IL7: variants seen among roughly 807,000 people sequenced by gnomAD.
IL7 encodes the protein interleukin-7.
IL7 carries 3 observed loss-of-function variants against 21.6 expected under a neutral mutation model. That is an observed-to-expected ratio of 0.14 (90% confidence interval 0.06 to 0.36). IL7 has a LOEUF of 0.36. IL7 is among the 10% of genes least tolerant of loss of function. The pLI is 1.00. For synonymous variants in IL7, 62 were observed against 68.1 expected, an observed-to-expected ratio of 0.91 and a Z score of 0.44; for missense variants, 175 against 200.2, an observed-to-expected ratio of 0.87 and a Z score of 0.76.
downstream of IL7, among the ~76,000 whole-genome samples, chr8:78,714,221 G>A (rs969162299): frequency 6.6e-6 from 1 of 152,044 alleles, no homozygotes; most frequent in African/African-American, 2.4e-5. Flanking sequence ...GGTCACCTTG[G>A]GTAAGTTACT....
intron 2 of IL7, among the ~76,000 whole-genome samples, chr8:78,768,543 G>A (rs2130781759): frequency 6.6e-6 from 1 of 150,524 alleles, no homozygotes; most frequent in Middle Eastern, 3.4e-3. Flanking sequence ...ATTTTTTCAT[G>A]TGTTTTTTGG....
chr8:78,777,606 C>T (rs1013137077), intron 2 of IL7, among the ~76,000 whole-genome samples: 2 of 151,936 alleles, frequency 1.3e-5, no homozygotes, highest in Non-Finnish European at 2.9e-5. Context: ...TTGAGTTTTC[C>T]ATTGTATTTT....
intron 3 of IL7, among the ~76,000 whole-genome samples, chr8:78,700,319 T>G (rs564905312): frequency 6.6e-6 from 1 of 152,080 alleles, no homozygotes; most frequent in Admixed American, 6.6e-5. Flanking sequence ...GGATTGTTTG[T>G]TTTTTTTCTT....
intron 3 of IL7, among the ~76,000 whole-genome samples, chr8:78,687,636 A>ATATATATATGTAATACAT: frequency 7.7e-6 from 1 of 129,986 alleles, no homozygotes; most frequent in South Asian, 2.3e-4. Flanking sequence ...GTAATACATT[A>ATATATATATGTAATACAT]TATATATATT....
chr8:78,714,877 G>A (rs541231491), downstream of IL7, among the ~76,000 whole-genome samples: 15 of 151,926 alleles, frequency 9.9e-5, no homozygotes, highest in Admixed American at 5.2e-4. Flanking sequence ...ACCATTATCC[G>A]TAAGCATTTA....
chr8:78,697,255 A>G (rs1810451603), intron 3 of IL7: 3 of 595,628 alleles, frequency 5.0e-6, no homozygotes, highest in Non-Finnish European at 8.5e-6. Flanking sequence ...TACATTAATG[A>G]TGTGCAACCA....
chr8:78,703,510 AC>A (rs1202653900), intron 3 of IL7, among the ~76,000 whole-genome samples: 2 of 144,784 alleles, frequency 1.4e-5, no homozygotes, highest in Admixed American at 1.4e-4. Flanking sequence ...GTTAAATTGA[AC>A]CCTTTACCAT....
At chr8:78,804,843 C>A (rs928510779) in intron 1 of IL7, 70 bp downstream of exon 1, 60 of 1,593,946 alleles carry the variant, frequency 3.8e-5, no homozygotes, top group Non-Finnish European at 4.7e-5. Flanking sequence ...AGCAGGGGCC[C>A]CCAGCGCGTC....
chr8:78,706,147 C>T (rs542642932), intron 3 of IL7, among the ~76,000 whole-genome samples: 3 of 152,274 alleles, frequency 2.0e-5, no homozygotes, highest in African/African-American at 7.2e-5. Flanking sequence ...GCAGCCTGTC[C>T]CTTCCCCTGG....
chr8:78,699,254 T>C (rs191283853), intron 3 of IL7, among the ~76,000 whole-genome samples: 2 of 152,252 alleles, frequency 1.3e-5, no homozygotes, highest in Admixed American at 1.3e-4. Flanking sequence ...TAATGAAGTA[T>C]ATAATTAAAC....
At chr8:78,713,377 T>TA (rs1403905665), downstream of IL7, among the ~76,000 whole-genome samples, 1 of 152,096 alleles carries the variant, frequency 6.6e-6, no homozygotes, top group African/African-American at 2.4e-5. Flanking sequence ...AACCTCAAGT[T>TA]ACCGATATGG....
intron 2 of IL7, among the ~76,000 whole-genome samples, chr8:78,769,673 G>C (rs962149595): frequency 1.3e-5 from 2 of 151,948 alleles, no homozygotes; most frequent in Non-Finnish European, 2.9e-5. Context: ...TCACAGAATT[G>C]GAAAAAACTA....
At position 78,675,837 on chromosome 8, in the gene IL7, G is replaced by C. The variant is rs1437169014; in HGVS notation, n.541C>G. 3 of 1,611,014 alleles carry C rather than the reference G, an allele frequency of 1.9e-6. No individual in the cohort carries two copies. The Admixed American group carries it at 5.0e-5, about 27-fold the overall frequency. On this transcript the variant is annotated non_coding_transcript_exon_variant, in exon 5 of 5. Coordinates refer to the IL7 transcript ENST00000523959. ...AGAATTGTTACCTTGCAAGATTTGT[G>C]GAAGAACATTCTTTCCAGTAGCATT... is the stretch of plus-strand genomic sequence containing the variant.
chr8:78,776,762 C>T (rs1302315807), intron 2 of IL7, among the ~76,000 whole-genome samples: 1 of 151,880 alleles, frequency 6.6e-6, no homozygotes, highest in Non-Finnish European at 1.5e-5. Context: ...AAGTATGGGT[C>T]CTAATTTTAT....
intron 2 of IL7, among the ~76,000 whole-genome samples, chr8:78,771,232 A>G (rs1347797754): frequency 2.9e-5 from 4 of 139,276 alleles, no homozygotes; most frequent in African/African-American, 9.9e-5. Context: ...TCCATTATTT[A>G]GCAGTAATTT....
At chr8:78,681,021 A>G (rs1809760106) in intron 4 of IL7, among the ~76,000 whole-genome samples, 1 of 152,084 alleles carries the variant, frequency 6.6e-6, no homozygotes, top group African/African-American at 2.4e-5. Flanking sequence ...CTTAGAAAAC[A>G]TTAGTGAAAA....
chr8:78,695,803 A>G (rs531580340), intron 3 of IL7, among the ~76,000 whole-genome samples: 7 of 152,186 alleles, frequency 4.6e-5, no homozygotes, highest in South Asian at 4.2e-4. Context: ...TTGGTTTTCT[A>G]TTTTTCAGGT....
chr8:78,751,163 A>G (rs1204225115), intron 2 of IL7, among the ~76,000 whole-genome samples: 2 of 151,986 alleles, frequency 1.3e-5, no homozygotes, highest in Non-Finnish European at 2.9e-5. Flanking sequence ...GGAGTAGCAT[A>G]CATGTAATGG....
chr8:78,698,142 C>G (rs893850752), intron 3 of IL7, among the ~76,000 whole-genome samples: 1 of 152,066 alleles, frequency 6.6e-6, no homozygotes, highest in Admixed American at 6.6e-5. Flanking sequence ...GGCAATTGTT[C>G]GTAGTAGTCA....
Sources: gnomAD v4.1 joint callset for allele counts (sites outside exome capture counted in the v4.1 genomes callset) on GRCh38, gnomAD v4.1.1 for gene constraint, MANE v1.5 for transcripts, NCBI Gene and HGNC (gene_info 2026-07-23, HGNC 2026-07-21) for gene names.